The following ADAMTSL2 variants were observed in gnomAD, a reference collection of about 807,000 sequenced individuals.
ADAMTSL2 encodes the protein ADAMTS like 2.
ADAMTSL2 carries 55 observed loss-of-function variants against 117.0 expected under a neutral mutation model. The ratio of observed to expected loss-of-function variants is 0.47; its 90% CI spans 0.38 to 0.59. The LOEUF (loss-of-function observed/expected upper bound fraction) is 0.59, where lower values mean the gene tolerates loss of function less well. Among genes scored for constraint, ADAMTSL2 ranks in the 20% least tolerant of loss-of-function variants. The pLI is 0.00. For missense variants in ADAMTSL2, 1,182 were observed against 1,354.5 expected (o/e 0.87, Z 2.00); for synonymous variants, 572 against 566.4 (o/e 1.01, Z -0.14).
intron 12 of ADAMTSL2, among the ~76,000 whole-genome samples, chr9:133,563,825 G>GAC (rs1830809475): frequency 2.2e-5 from 2 of 89,322 alleles, no homozygotes; most frequent in Non-Finnish European, 4.9e-5. Context: ...GGGGGAGAGA[G>GAC]AGAGAGAGAG....
intron 9 of ADAMTSL2, among the ~76,000 whole-genome samples, chr9:133,548,782 A>ACG (rs1830415540): frequency 6.6e-6 from 1 of 151,806 alleles, no homozygotes; most frequent in Non-Finnish European, 1.5e-5. Flanking sequence ...ACTGTTGCGC[A>ACG]CCCACCCCAG....
chr9:133,574,154 G>A (rs1831174714), intron 18 of ADAMTSL2, among the ~76,000 whole-genome samples, 167 bp downstream of exon 18: 3 of 152,178 alleles, frequency 2.0e-5, no homozygotes, highest in Non-Finnish European at 2.9e-5. Context: ...CGGCATGGCC[G>A]AGCCCCACTG....
chr9:133,556,572 G>T (rs1487837168), intron 11 of ADAMTSL2, among the ~76,000 whole-genome samples: 18 of 152,216 alleles, frequency 1.2e-4, no homozygotes, highest in African/African-American at 4.3e-4. Context: ...AACAAGGCTG[G>T]CATTGCAGCT....
At chr9:133,564,623 AGGGAGAGAGAGAGAGAGG>A (rs1830909326) in intron 12 of ADAMTSL2, among the ~76,000 whole-genome samples, 8 of 36,390 alleles carry the variant, frequency 2.2e-4, no homozygotes, top group Admixed American at 4.7e-4. Context: ...AGAGAGAGAG[AGGGAGAGAGAGAGAGAGG>A]GAGAGAGGGA....
In ADAMTSL2 at chr9:133,558,590, C is replaced by T. The variant is rs2131148030; in HGVS notation, c.1650-2608C>T. ...TGTTTATAAACAAACACGGTGGCTT[C>T]AGAGCTTCTCCTGCCTGGGGAGCCC... On this transcript the variant is annotated intron_variant, in intron 11 of 18. Coordinates refer to ENST00000651351, the MANE Select transcript of ADAMTSL2 (RefSeq NM_014694.4). This position sits in a 1 kb window ranked among gnomAD's most constrained non-coding sequence, Gnocchi z 4.3. Among the ~76,000 whole-genome samples, 1 of 152,286 alleles carries T rather than the reference C, an allele frequency of 6.6e-6. No homozygotes were observed. Among genetic ancestry groups the T allele is most frequent in the East Asian group, 1.9e-4 (1 of 5,178 alleles).
Position 133,554,385 on chromosome 9 carries a change from C to G in ADAMTSL2, c.968C>G (p.Ser323Cys). ...TGGAACCAGAACGGCAAAAGCCCCT[C>G]CATCACCTTCGAGTACACGCTGCTG... ...MVWNQNGKSP[S>C]ITFEYTLLQP... Residue 323 changes from serine (S) to cysteine (C), a missense_variant, in exon 10 of 19, where the codon TCC (serine) becomes TGC (cysteine). Ser to Cys is a moderately radical substitution (Grantham distance 112). Coordinates refer to ENST00000651351, the MANE Select transcript of ADAMTSL2 (RefSeq NM_014694.4). This position sits in a 1 kb window ranked among gnomAD's most constrained non-coding sequence, Gnocchi z 5.2. 4 of 1,561,242 alleles carry G rather than the reference C, an allele frequency of 2.6e-6. No homozygotes were observed. Among genetic ancestry groups the G allele is most frequent in the Non-Finnish European group, 3.5e-6 (4 of 1,156,414 alleles).
Position 133,568,401 on chromosome 9 carries a change from C to G in ADAMTSL2, c.2003C>G (p.Ala668Gly). ...DSSVYSDLCE[A>G]AEAVRPEERK... ...TCCGTGTACAGCGACCTGTGCGAGG[C>G]AGCCGAGGCCGTGCGGCCCGAGGAA... is the stretch of plus-strand genomic sequence containing the variant. The change falls in exon 14 of 19, where the codon GCA becomes GGA. Residue 668 changes from alanine (A) to glycine (G), a missense_variant. This residue lies in a region of ADAMTSL2 where 465 missense variants were observed against 565.3 expected (regional missense o/e 0.82). Coordinates refer to ENST00000651351, the MANE Select transcript of ADAMTSL2 (RefSeq NM_014694.4). 6.2e-7 allele frequency: 1 copy of G among 1,607,792 alleles called. No homozygotes were observed. The highest frequency in any genetic ancestry group is 1.7e-4 in the Middle Eastern group (1 of 6,046).
At chr9:133,549,665 G>A (rs1003882555) in intron 9 of ADAMTSL2, among the ~76,000 whole-genome samples, 3 of 150,488 alleles carry the variant, frequency 2.0e-5, no homozygotes, top group African/African-American at 4.9e-5. Context: ...GATTATAGGC[G>A]TGAGCCACCT....
At chr9:133,573,474 C>T (rs1177598154) in intron 17 of ADAMTSL2, among the ~76,000 whole-genome samples, 4 of 152,290 alleles carry the variant, frequency 2.6e-5, no homozygotes, top group African/African-American at 4.8e-5. Flanking sequence ...TCTGGGGAGA[C>T]TGAGGCAGCC....
Position 133,570,419 on chromosome 9 carries a change from C to T in ADAMTSL2, c.2504C>T (p.Pro835Leu), listed in dbSNP as rs1831078405. 12 of 1,600,330 alleles carry T rather than the reference C, an allele frequency of 7.5e-6. No homozygotes were observed. Among genetic ancestry groups the T allele is most frequent in the Non-Finnish European group, 1.0e-5 (12 of 1,174,362 alleles). The change falls in exon 17 of 19, where the codon CCC (proline) becomes CTC (leucine). Residue 835 changes from proline to leucine, a missense_variant. This residue lies in a region of ADAMTSL2 where 465 missense variants were observed against 565.3 expected (regional missense o/e 0.82). Transcript: ENST00000651351. ...ANGKPQTRSG[P>L]ECGLAKKPPE... is the part of the protein sequence containing the mutation. ...GGGAAGCCGCAGACGCGCAGTGGCC[C>T]CGAGTGCGGGCTCGCCAAGAAGCCT...
rs1830666015 is a variant in ADAMTSL2 at position 133,558,905 on chromosome 9, C to T, written c.1650-2293C>T. Among the ~76,000 whole-genome samples the T allele has an allele frequency of 6.6e-6, 1 of 152,236 alleles. No individual in the cohort carries two copies. The highest frequency in any genetic ancestry group is 1.9e-4 in the East Asian group (1 of 5,202). ...CAAGAGTTGCATCTGCTATGCCCCA[C>T]ACGTGCTGCTGCGAAGAGTGTGTGG... On this transcript the variant is annotated intron_variant, in intron 11 of 18. Coordinates refer to ENST00000651351, the MANE Select transcript of ADAMTSL2 (RefSeq NM_014694.4). This position sits in a 1 kb window ranked among gnomAD's most constrained non-coding sequence, Gnocchi z 4.3.
At chr9:133,565,118 C>T (rs1022181299) in intron 12 of ADAMTSL2, among the ~76,000 whole-genome samples, 6 of 152,152 alleles carry the variant, frequency 3.9e-5, no homozygotes, top group Non-Finnish European at 7.4e-5. Context: ...GTGGATCCTG[C>T]GGCCCCCAGG....
chr9:133,538,555 G>A (rs1830111235), intron 4 of ADAMTSL2, 131 bp downstream of exon 4: 2 of 1,091,138 alleles, frequency 1.8e-6, no homozygotes, highest in African/African-American at 3.1e-5. Context: ...GGAGAGCCCA[G>A]GAGCAGGGTT....
Position 133,568,748 on chromosome 9 carries a change from A to T in ADAMTSL2, c.2234A>T (p.Asp745Val). 1 of 1,613,002 alleles carries T rather than the reference A, an allele frequency of 6.2e-7. No individual in the cohort carries two copies. Among genetic ancestry groups the T allele is most frequent in the South Asian group, 1.1e-5 (1 of 91,080 alleles). ...PPCDRQWTVS[D>V]WGPCSGSCGQ... Reference sequence around the variant, plus strand: ...TGTGACCGGCAGTGGACCGTCTCCGACTGGGGACCGGTGAGGCCTGCACTG... The same window carrying T: ...TGTGACCGGCAGTGGACCGTCTCCGTCTGGGGACCGGTGAGGCCTGCACTG... Residue 745 changes from aspartate (D) to valine (V), a missense_variant, in exon 15 of 19, where the codon GAC (aspartate) becomes GTC (valine). Asp to Val is a radical substitution (Grantham distance 152). Coordinates refer to ENST00000651351, the MANE Select transcript of ADAMTSL2 (RefSeq NM_014694.4).
chr9:133,551,961 C>A (rs1830496545), intron 9 of ADAMTSL2, among the ~76,000 whole-genome samples: 2 of 151,934 alleles, frequency 1.3e-5, no homozygotes. Context: ...TCCAGAGTAG[C>A]TGGGATTACA....
In ADAMTSL2 at chr9:133,555,826, G is replaced by T; in HGVS notation, c.1545G>T (p.Leu515=). The T allele has an allele frequency of 6.2e-7, 1 of 1,613,744 alleles. No individual in the cohort carries two copies. The highest frequency in any genetic ancestry group is 8.5e-7 in the Non-Finnish European group (1 of 1,180,012). ...AGPYLLNGSY[L]ELSSDRVANS... Reference sequence around the variant, plus strand: ...CTTACCTGCTCAACGGGTCCTACCTGGAGCTGAGCAGCGACAGGGTTGCCA... The same window carrying T: ...CTTACCTGCTCAACGGGTCCTACCTTGAGCTGAGCAGCGACAGGGTTGCCA... Residue 515 remains leucine, a synonymous_variant, in exon 11 of 19, where the codon CTG becomes CTT. Coordinates refer to ENST00000651351, the MANE Select transcript of ADAMTSL2 (RefSeq NM_014694.4).
At chr9:133,541,666 G>A (rs1179944643) in intron 7 of ADAMTSL2, among the ~76,000 whole-genome samples, 5 of 152,174 alleles carry the variant, frequency 3.3e-5, no homozygotes, top group Admixed American at 6.5e-5. Flanking sequence ...ACCCTGGCAC[G>A]CTGGATTCTG....
chr9:133,567,949 T>G (rs1223581077), intron 13 of ADAMTSL2, among the ~76,000 whole-genome samples: 2 of 152,188 alleles, frequency 1.3e-5, no homozygotes, highest in Non-Finnish European at 2.9e-5. Context: ...TGCCTTCTGC[T>G]CACTTCCACC....
chr9:133,538,401 C>A lies in ADAMTSL2; in HGVS notation c.286C>A (p.Arg96=), dbSNP rs377040554. Residue 96 remains arginine (R), a synonymous_variant, in exon 4 of 19, where the codon CGG becomes AGG. Coordinates refer to ENST00000651351, the MANE Select transcript of ADAMTSL2 (RefSeq NM_014694.4). Reference sequence around the variant, plus strand: ...CAGGACCTGCACGGGCACGTCCAAGCGGTACCAGCTCTGCAGAGTGCAGGT... The same window carrying A: ...CAGGACCTGCACGGGCACGTCCAAGAGGTACCAGCTCTGCAGAGTGCAGGT... ...GNRTCTGTSK[R]YQLCRVQECP... is the part of the protein sequence containing the mutation. 3 of 1,613,282 alleles carry A rather than the reference C, an allele frequency of 1.9e-6. No homozygotes were observed. The highest frequency in any genetic ancestry group is 1.1e-5 in the South Asian group (1 of 91,090).
Sources: allele counts gnomAD v4.1 joint callset (sites outside exome capture counted in the v4.1 genomes callset), GRCh38; gene constraint gnomAD v4.1.1; regional missense constraint gnomAD v4.1.1; non-coding constraint Gnocchi (gnomAD v3.1); transcripts MANE v1.5; gene names NCBI Gene and HGNC (gene_info 2026-07-23, HGNC 2026-07-21).